The following FILIP1L variants were observed in gnomAD, a reference collection of about 807,000 sequenced individuals.
The protein encoded by FILIP1L is filamin A-interacting protein 1-like.
A neutral mutation model predicts 96.6 loss-of-function variants in FILIP1L; 55 were observed. The ratio of observed to expected loss-of-function variants is 0.57; its 90% CI spans 0.46 to 0.71. FILIP1L has a LOEUF of 0.71. FILIP1L is among the 30% of genes least tolerant of loss of function. The probability of loss-of-function intolerance (pLI) is 0.00; values close to 1 mark genes in which losing one functional copy is unlikely to be tolerated. For missense variants in FILIP1L, 1,304 were observed against 1,321.2 expected (o/e 0.99, Z 0.20); for synonymous variants, 467 against 473.9 (o/e 0.99, Z 0.19).
At chr3:99,874,638 CA>C (rs1489841015) in intron 4 of FILIP1L, among the ~76,000 whole-genome samples, 7 of 151,998 alleles carry the variant, frequency 4.6e-5, no homozygotes, top group African/African-American at 1.7e-4. Context: ...TTAGCAAAAA[CA>C]AAAAAACTGC....
chr3:99,830,845 T>C (rs1418620459), intron 5 of FILIP1L, among the ~76,000 whole-genome samples: 1 of 152,206 alleles, frequency 6.6e-6, no homozygotes, highest in Non-Finnish European at 1.5e-5. Flanking sequence ...CAGAGATGAA[T>C]AGATATTTGG....
chr3:100,016,443 G>T (rs761359282), intron 1 of FILIP1L, among the ~76,000 whole-genome samples: 1 of 152,114 alleles, frequency 6.6e-6, no homozygotes, highest in African/African-American at 2.4e-5. Flanking sequence ...CACCCACCTC[G>T]GAAAGTGCTG....
At chr3:100,107,221 A>G (rs1049661600) in intron 1 of FILIP1L, among the ~76,000 whole-genome samples, 1 of 152,188 alleles carries the variant, frequency 6.6e-6, no homozygotes, top group African/African-American at 2.4e-5. Flanking sequence ...CCTTTTAAAG[A>G]TGAACTGTCC....
At chr3:99,933,830 T>C (rs1707570231) in intron 1 of FILIP1L, among the ~76,000 whole-genome samples, 1 of 152,174 alleles carries the variant, frequency 6.6e-6, no homozygotes, top group Admixed American at 6.5e-5. Flanking sequence ...TGCATTAGGG[T>C]GACTGGCTTG....
chr3:100,056,844 A>G (rs2065472545), intron 1 of FILIP1L, among the ~76,000 whole-genome samples: 1 of 152,150 alleles, frequency 6.6e-6, no homozygotes, highest in Admixed American at 6.5e-5. Flanking sequence ...CTCTACTAAA[A>G]ATACAAAAAA....
At chr3:99,999,270 G>A (rs1204865819) in intron 1 of FILIP1L, among the ~76,000 whole-genome samples, 3 of 152,136 alleles carry the variant, frequency 2.0e-5, no homozygotes, top group Non-Finnish European at 4.4e-5. Flanking sequence ...AAAAAGAGGG[G>A]CACTGTCTCA....
intron 1 of FILIP1L, among the ~76,000 whole-genome samples, chr3:100,098,870 C>A (rs2066257463): frequency 6.6e-6 from 1 of 152,166 alleles, no homozygotes; most frequent in African/African-American, 2.4e-5. Context: ...AAGATTCCAG[C>A]TGATAAGAAA....
intron 1 of FILIP1L, among the ~76,000 whole-genome samples, chr3:100,062,093 CTTTTTTTTTTTTTTTTTTT>C (rs71907944): frequency 0.056 from 2,961 of 53,206 alleles, 102 homozygotes; most frequent in East Asian, 0.27. Context: ...CTGTCTTCTT[CTTTTTTTTTTTTTTTTTTT>C]TTTTTTTTTT....
intron 4 of FILIP1L, among the ~76,000 whole-genome samples, chr3:99,901,224 G>A (rs918239554): frequency 6.6e-6 from 1 of 152,182 alleles, no homozygotes; most frequent in East Asian, 1.9e-4. Context: ...ATGGCTACAC[G>A]TTGAAATAGG....
intron 1 of FILIP1L, among the ~76,000 whole-genome samples, chr3:99,980,184 C>T (rs1350795414): frequency 6.6e-6 from 1 of 152,126 alleles, no homozygotes; most frequent in Admixed American, 6.5e-5. Context: ...TTATTGGACA[C>T]TCGGAGCAAG....
intron 1 of FILIP1L, among the ~76,000 whole-genome samples, chr3:100,069,064 A>G (rs993040011): frequency 3.3e-5 from 5 of 152,140 alleles, no homozygotes; most frequent in African/African-American, 1.2e-4. Flanking sequence ...AGATCAGTTG[A>G]TATACTTGAA....
chr3:100,008,176 A>G (rs1710041866), intron 1 of FILIP1L, among the ~76,000 whole-genome samples: 1 of 152,202 alleles, frequency 6.6e-6, no homozygotes, highest in African/African-American at 2.4e-5. Flanking sequence ...CAGTAAGGCT[A>G]CTAAGCAGTG....
chr3:99,972,609 G>A (rs1353762482), intron 1 of FILIP1L, among the ~76,000 whole-genome samples: 1 of 152,142 alleles, frequency 6.6e-6, no homozygotes. Flanking sequence ...GTTTCCATGG[G>A]CTGTCGCGAG....
chr3:99,994,922 A>G (rs1709631041), intron 1 of FILIP1L, among the ~76,000 whole-genome samples: 1 of 152,134 alleles, frequency 6.6e-6, no homozygotes, highest in East Asian at 1.9e-4. Flanking sequence ...AACACATGGG[A>G]ATTATGGGAG....
At chr3:100,081,344 TA>T (rs1425467346) in intron 1 of FILIP1L, among the ~76,000 whole-genome samples, 2 of 152,224 alleles carry the variant, frequency 1.3e-5, no homozygotes, top group Non-Finnish European at 2.9e-5. Flanking sequence ...ATCCAGCAGA[TA>T]CACTGATGGT....
At chr3:99,852,479 C>A (rs1943746642) in intron 4 of FILIP1L, among the ~76,000 whole-genome samples, 1 of 152,046 alleles carries the variant, frequency 6.6e-6, no homozygotes, top group Non-Finnish European at 1.5e-5. Context: ...TTGAGTCTCA[C>A]TCTGTCGCCA....
At chr3:99,903,586 A>G (rs747565427) in intron 4 of FILIP1L, among the ~76,000 whole-genome samples, 5 of 152,108 alleles carry the variant, frequency 3.3e-5, no homozygotes, top group Non-Finnish European at 7.4e-5. Flanking sequence ...CATATGGGTT[A>G]GGTGGACCAA....
intron 4 of FILIP1L, among the ~76,000 whole-genome samples, chr3:99,906,116 C>T (rs1313137123): frequency 2.0e-5 from 3 of 152,134 alleles, no homozygotes; most frequent in African/African-American, 4.8e-5. Flanking sequence ...ATCGCTTGAG[C>T]CCAGGAGGCA....
At chr3:99,862,947 C>G (rs1012082721) in intron 4 of FILIP1L, among the ~76,000 whole-genome samples, 19 of 152,160 alleles carry the variant, frequency 1.2e-4, no homozygotes, top group Admixed American at 9.8e-4. Flanking sequence ...CTTCCCAAAG[C>G]CTCACTGATG....
Sources: allele counts gnomAD v4.1 joint callset (sites outside exome capture counted in the v4.1 genomes callset), GRCh38; gene constraint gnomAD v4.1.1; transcripts MANE v1.5; gene names NCBI Gene and HGNC (gene_info 2026-07-23, HGNC 2026-07-21).